Variants in CHST10 observed in about 807,000 individuals in gnomAD.
CHST10 encodes HNK-1 sulfotransferase.
Under a neutral mutation model 34.7 loss-of-function variants are expected in CHST10, and 24 were observed. That is an observed-to-expected ratio of 0.69 (90% CI 0.50 to 0.97). The LOEUF is 0.97. Among genes scored for constraint, CHST10 ranks in the 50% least tolerant of loss-of-function variants. The pLI is 0.00. For missense variants in CHST10, 402 were observed against 452.1 expected, an observed-to-expected ratio of 0.89 and a Z score of 1.00; for synonymous variants, 161 against 169.3, an observed-to-expected ratio of 0.95 and a Z score of 0.38.
At chr2:100,403,162 G>A (rs188429687) in intron 3 of CHST10, among the ~76,000 whole-genome samples, 376 of 152,236 alleles carry the variant, frequency 2.5e-3, no homozygotes, top group Middle Eastern at 0.01. Flanking sequence ...GAGAGTATCC[G>A]CAGATGGCAA....
chr2:100,400,184 C>T (rs771018285), intron 4 of CHST10, among the ~76,000 whole-genome samples: 3 of 152,222 alleles, frequency 2.0e-5, no homozygotes, highest in Non-Finnish European at 4.4e-5. Context: ...TACTGCTTTT[C>T]TTTGAACAAA....
At chr2:100,411,667 T>C (rs919758814) in intron 2 of CHST10, among the ~76,000 whole-genome samples, 14 of 152,350 alleles carry the variant, frequency 9.2e-5, no homozygotes, top group African/African-American at 2.6e-4. Flanking sequence ...TATTCATTCA[T>C]GCAGTAAAAC....
intron 4 of CHST10, among the ~76,000 whole-genome samples, chr2:100,401,075 A>G (rs1303818694): frequency 6.6e-6 from 1 of 152,220 alleles, no homozygotes. Context: ...GTGTCACCTA[A>G]CGGCATGTGG....
chr2:100,392,795 GC>G lies in CHST10; in HGVS notation c.*449del. 5.8e-6 allele frequency: 1 copy of G among 172,874 alleles called. No homozygotes were observed. Among genetic ancestry groups the G allele is most frequent in the South Asian group, 1.5e-4 (1 of 6,638 alleles). 10.7% of individuals were successfully genotyped at this position (172,874 alleles called of 1,614,324 possible). ...TCTCTGCGATTTCAGCAGCCCCCTTGCTTCTCTGTCCCTCCTCAGAGTCCTG... is the reference window on the plus strand; with the variant it reads ...TCTCTGCGATTTCAGCAGCCCCCTTGTTCTCTGTCCCTCCTCAGAGTCCTG... On this transcript the variant is annotated 3_prime_UTR_variant, in exon 7 of 7. Transcript: ENST00000264249.
At chr2:100,398,212 G>A (rs1386944086) in intron 4 of CHST10, 70 bp from the exon 5 acceptor site, 10 of 1,089,502 alleles carry the variant, frequency 9.2e-6, no homozygotes, top group Admixed American at 4.3e-5. Flanking sequence ...AAGCAGAGCC[G>A]CTCCTGCTGG....
chr2:100,394,809 T>C (rs1322149583), intron 6 of CHST10, among the ~76,000 whole-genome samples: 1 of 151,810 alleles, frequency 6.6e-6, no homozygotes, highest in Non-Finnish European at 1.5e-5. Flanking sequence ...CTGCAACCCT[T>C]GCCTCCAGGG....
intron 3 of CHST10, among the ~76,000 whole-genome samples, chr2:100,403,930 G>A (rs1479450014): frequency 6.6e-6 from 1 of 152,224 alleles, no homozygotes; most frequent in Non-Finnish European, 1.5e-5. Flanking sequence ...AGTGCTGGAA[G>A]GGCAGGCTCC....
Position 100,393,332 on chromosome 2 carries a change from G to T in CHST10, c.984C>A (p.Ser328Arg), listed in dbSNP as rs1674883176. The T allele has an allele frequency of 1.2e-6, 2 of 1,614,110 alleles. No individual in the cohort carries two copies. The highest frequency in any genetic ancestry group is 8.5e-7 in the Non-Finnish European group (1 of 1,180,056). The change falls in exon 7 of 7, where the codon AGC becomes AGA. Residue 328 changes from serine to arginine, a missense_variant. Transcript: ENST00000264249. ...TKVEHYFLGI[S>R]KRDIRRLYAR... The stretch of plus-strand genomic sequence containing the variant: ...CATACAGGCGTCGGATGTCTCGTTT[G>T]CTGATGCCCAGGAAATAGTGCTCCA...
At chr2:100,413,514 G>T (rs144323682) in intron 2 of CHST10, among the ~76,000 whole-genome samples, 187 of 152,214 alleles carry the variant, frequency 1.2e-3, no homozygotes, top group African/African-American at 4.2e-3. Context: ...GCAGGGTCAG[G>T]GAAGGAAGAA....
chr2:100,409,648 CT>C (rs1459739271), intron 2 of CHST10, among the ~76,000 whole-genome samples: 1 of 152,120 alleles, frequency 6.6e-6, no homozygotes, highest in African/African-American at 2.4e-5. Context: ...CACCCTCTCC[CT>C]AGCTAGGTGG....
intron 4 of CHST10, among the ~76,000 whole-genome samples, chr2:100,400,765 G>A (rs1353165369): frequency 1.3e-5 from 2 of 152,000 alleles, no homozygotes; most frequent in Non-Finnish European, 2.9e-5. Flanking sequence ...TGCAACCTCC[G>A]CTTCCTGGGT....
chr2:100,399,916 G>T (rs887713470), intron 4 of CHST10, among the ~76,000 whole-genome samples: 4 of 152,176 alleles, frequency 2.6e-5, no homozygotes, highest in African/African-American at 9.6e-5. Flanking sequence ...GGCTGCCCGG[G>T]CCCTCCACCC....
chr2:100,415,550 A>C (rs1000992012), intron 1 of CHST10, among the ~76,000 whole-genome samples: 1 of 152,204 alleles, frequency 6.6e-6, no homozygotes, highest in South Asian at 2.1e-4. Flanking sequence ...AAACAAGCCA[A>C]AGTCATGGAA....
chr2:100,393,394 T>C lies in CHST10; in HGVS notation c.922A>G (p.Ile308Val), dbSNP rs761702531. The change falls in exon 7 of 7, where the codon ATC (isoleucine) becomes GTC (valine). Residue 308 changes from isoleucine (I) to valine (V), a missense_variant. Transcript: ENST00000264249. The stretch of plus-strand genomic sequence containing the variant: ...TTATACACGGTAATGCCCGGAGGGA[T>C]AGTCGGGTATGACACCAGGTGGTCA... Reference protein sequence around the residue: ...GIDHLVSYPTIPPGITVYNRT... With the variant: ...GIDHLVSYPTVPPGITVYNRT... 2 of 1,614,132 alleles carry C rather than the reference T, an allele frequency of 1.2e-6. No individual in the cohort carries two copies. The highest frequency in any genetic ancestry group is 1.1e-5 in the South Asian group (1 of 91,072).
In CHST10 at chr2:100,393,109, A is replaced by C; in HGVS notation, c.*136T>G. The stretch of plus-strand genomic sequence containing the variant: ...GGGGTTCTGCGTCATATGCCGAGGC[A>C]ACTCACAGGCCTGTGGGAGACCCCG... On this transcript the variant is annotated 3_prime_UTR_variant, in exon 7 of 7. Transcript: ENST00000264249. 1.2e-6 allele frequency: 1 copy of C among 865,178 alleles called. No individual in the cohort carries two copies. 53.6% of individuals were successfully genotyped at this position (865,178 alleles called of 1,614,324 possible). A position where few individuals can be genotyped will look rare whatever the true frequency, so the allele number is the denominator to read the frequency against.
Position 100,393,201 on chromosome 2 carries a change from GC to G in CHST10, c.*43del, listed in dbSNP as rs1674875450. 3 of 1,579,504 alleles carry G rather than the reference GC, an allele frequency of 1.9e-6. No individual in the cohort carries two copies. The East Asian group carries it at 6.7e-5, about 35-fold the overall frequency. ...CTGGGCTCAGATCTTCACCTGGTTA[GC>G]CCCAGGTCTAATAAAGATATTTGAA... On this transcript the variant is annotated 3_prime_UTR_variant, in exon 7 of 7. Coordinates refer to ENST00000264249, the MANE Select transcript of CHST10 (RefSeq NM_004854.5).
At chr2:100,413,328 C>T (rs1049469181) in intron 2 of CHST10, among the ~76,000 whole-genome samples, 3 of 152,216 alleles carry the variant, frequency 2.0e-5, no homozygotes, top group Admixed American at 6.5e-5. Flanking sequence ...TGAACAGAGC[C>T]TCCTGACCCC....
Position 100,395,558 on chromosome 2 carries a change from T to G in CHST10, c.484A>C (p.Asn162His), listed in dbSNP as rs1235326247. Residue 162 changes from asparagine to histidine, a missense_variant, in exon 6 of 7, where the codon AAC (asparagine) becomes CAC (histidine). Physicochemically the swap from Asn to His is moderately conservative, Grantham distance 68 (BLOSUM62 1). Coordinates refer to ENST00000264249, the MANE Select transcript of CHST10 (RefSeq NM_004854.5). ...AAGGAAGAGAGCCGAGGAAGGCCGT[T>G]CTTCTCGTGGTCGTGCACCACGTTT... Reference protein sequence around the residue: ...PENVVHDHEKNGLPRLSSFSD... With the variant: ...PENVVHDHEKHGLPRLSSFSD... 3.1e-6 allele frequency: 5 copies of G among 1,613,950 alleles called. No homozygotes were observed. The highest frequency in any genetic ancestry group is 4.2e-6 in the Non-Finnish European group (5 of 1,179,928).
At chr2:100,405,650 G>T (rs190271899) in intron 3 of CHST10, among the ~76,000 whole-genome samples, 197 of 152,288 alleles carry the variant, frequency 1.3e-3, no homozygotes, top group African/African-American at 4.6e-3. Context: ...CCCTTTCCAA[G>T]GCCACCATCG....
Sources: allele counts gnomAD v4.1 joint callset (sites outside exome capture counted in the v4.1 genomes callset), GRCh38; gene constraint gnomAD v4.1.1; transcripts MANE v1.5; gene names NCBI Gene and HGNC (gene_info 2026-07-23, HGNC 2026-07-21).